The following PEX14 variants were observed in gnomAD, a reference collection of about 807,000 sequenced individuals.
PEX14 encodes the protein peroxisomal membrane protein PEX14.
PEX14 carries 15 observed loss-of-function variants against 49.5 expected under a neutral mutation model. The observed-to-expected ratio is 0.30, with a 90% CI of 0.20 to 0.47. The LOEUF (loss-of-function observed/expected upper bound fraction) is 0.47, where lower values mean the gene tolerates loss of function less well. Ranked by LOEUF, PEX14 falls within the 20% of genes least tolerant of loss-of-function variation. The pLI is 1.00. For missense variants in PEX14, 398 were observed against 494.8 expected, an observed-to-expected ratio of 0.80 and a Z score of 1.86; for synonymous variants, 210 against 212.7, an observed-to-expected ratio of 0.99 and a Z score of 0.11.
chr1:10,523,629 A>T (rs1002943621), intron 2 of PEX14, among the ~76,000 whole-genome samples: 3 of 33,834 alleles, frequency 8.9e-5, no homozygotes, highest in Admixed American at 2.5e-4. Flanking sequence ...TGTGTAAGGT[A>T]AAAAAAAAAA....
intron 1 of PEX14, among the ~76,000 whole-genome samples, chr1:10,484,059 G>A (rs1007498040): frequency 3.0e-5 from 4 of 135,310 alleles, no homozygotes; most frequent in Non-Finnish European, 4.6e-5. Context: ...ATGGTATTTC[G>A]CTCTTGTTGC....
chr1:10,536,829 A>C lies in PEX14; in HGVS notation c.169+532A>C, dbSNP rs565765502. Among the ~76,000 whole-genome samples, 17 of 152,330 alleles carry C rather than the reference A, an allele frequency of 1.1e-4. No individual in the cohort carries two copies. The South Asian group carries it at 3.5e-3, about 32-fold the overall frequency. On this transcript the variant is annotated intron_variant, in intron 3 of 8. Coordinates refer to ENST00000356607, the MANE Select transcript of PEX14 (RefSeq NM_004565.3). ...AACAGGGATAAAGTGGACCCTGACA[A>C]ATTCAATATTGTCTGAAGAGACAAT... is the stretch of plus-strand genomic sequence containing the variant.
intron 2 of PEX14, among the ~76,000 whole-genome samples, chr1:10,517,456 C>G (rs186969061): frequency 3.9e-5 from 6 of 151,916 alleles, no homozygotes; most frequent in Non-Finnish European, 5.9e-5. Flanking sequence ...ATTAAAGGAG[C>G]CTGGCTTGAG....
chr1:10,534,903 TC>T (rs1289416921), intron 2 of PEX14, among the ~76,000 whole-genome samples: 2 of 152,282 alleles, frequency 1.3e-5, no homozygotes, highest in East Asian at 3.9e-4. Flanking sequence ...TATCTTTTGT[TC>T]CCCAAAAGTC....
intron 3 of PEX14, among the ~76,000 whole-genome samples, chr1:10,578,496 C>G (rs1161960751): frequency 6.6e-6 from 1 of 151,990 alleles, no homozygotes. Context: ...AAAACAGAAT[C>G]CAGAGCCTCT....
At chr1:10,503,477 T>C (rs1217818518) in intron 2 of PEX14, among the ~76,000 whole-genome samples, 1 of 151,506 alleles carries the variant, frequency 6.6e-6, no homozygotes, top group Admixed American at 6.6e-5. Flanking sequence ...GCTGAAGACG[T>C]GATCTACAAA....
intron 3 of PEX14, chr1:10,536,522 A>G (rs540525429): frequency 1.8e-6 from 1 of 549,884 alleles, no homozygotes; most frequent in East Asian, 3.2e-5. Context: ...CGGATGACTT[A>G]GTCCAGTCCA....
intron 2 of PEX14, among the ~76,000 whole-genome samples, chr1:10,518,528 T>C (rs1468081684): frequency 6.6e-6 from 1 of 152,194 alleles, no homozygotes; most frequent in East Asian, 1.9e-4. Context: ...ATTCTTGTAG[T>C]GTATATATTG....
chr1:10,624,365 C>A lies in PEX14; in HGVS notation c.513C>A (p.Ala171=), dbSNP rs35046754. Residue 171 remains alanine (A), a synonymous_variant, in exon 7 of 9, where the codon GCC becomes GCA. Coordinates refer to ENST00000356607, the MANE Select transcript of PEX14 (RefSeq NM_004565.3). ...QTVTQLQTTL[A]SVQELLIQQQ... ...TGACTCAGTTACAGACGACCCTCGC[C>A]TCCGTCCAGGAGCTGCTGATTCAGC... 2.3e-3 allele frequency: 3,749 copies of A among 1,613,334 alleles called. 89 individuals carry two copies. In the African/African-American group the frequency reaches 0.044, roughly 19 times the overall value.
At chr1:10,510,132 C>T (rs1641857364) in intron 2 of PEX14, among the ~76,000 whole-genome samples, 1 of 152,146 alleles carries the variant, frequency 6.6e-6, no homozygotes, top group African/African-American at 2.4e-5. Context: ...TCGATCCTTT[C>T]CTAATTTTGG....
At chr1:10,490,393 A>T (rs951746593) in intron 1 of PEX14, among the ~76,000 whole-genome samples, 1 of 152,130 alleles carries the variant, frequency 6.6e-6, no homozygotes, top group Non-Finnish European at 1.5e-5. Flanking sequence ...AGTTGCTCAA[A>T]TCTGTGAGCT....
chr1:10,571,057 A>G (rs1300365783), intron 3 of PEX14, among the ~76,000 whole-genome samples: 2 of 105,150 alleles, frequency 1.9e-5, no homozygotes, highest in African/African-American at 3.9e-5. Context: ...GGATTTTGCC[A>G]TGTTGCCCAG....
intron 2 of PEX14, among the ~76,000 whole-genome samples, chr1:10,499,489 C>G (rs1641629725): frequency 6.7e-6 from 1 of 150,164 alleles, no homozygotes; most frequent in Non-Finnish European, 1.5e-5. Context: ...TGCTCTGTCA[C>G]CCAGGCTGGA....
intron 2 of PEX14, among the ~76,000 whole-genome samples, chr1:10,501,926 G>A (rs1199671857): frequency 6.6e-6 from 1 of 150,932 alleles, no homozygotes; most frequent in Non-Finnish European, 1.5e-5. Flanking sequence ...CCACCCCCCT[G>A]CCCAAACAGT....
chr1:10,533,298 A>G (rs1450949000), intron 2 of PEX14, among the ~76,000 whole-genome samples: 3 of 152,074 alleles, frequency 2.0e-5, no homozygotes, highest in African/African-American at 4.8e-5. Flanking sequence ...ATCAAGAGGA[A>G]CATAAACAAG....
chr1:10,562,210 CTT>C (rs1639670804), intron 3 of PEX14, among the ~76,000 whole-genome samples: 1 of 152,154 alleles, frequency 6.6e-6, no homozygotes, highest in South Asian at 2.1e-4. Context: ...AGCTCTTTTT[CTT>C]TTTCTCTCTT....
Position 10,630,026 on chromosome 1 carries a change from A to C in PEX14, c.*39A>C. ...GCCTCCAGCCCTGAGGATGGCATCT[A>C]GTGTGCCCGTGCGTGGCCATACCCT... On this transcript the variant is annotated 3_prime_UTR_variant, in exon 9 of 9. Transcript: ENST00000356607. The surrounding 1 kb of genome is among the most constrained non-coding windows in gnomAD (Gnocchi z 4.1). 6.2e-7 allele frequency: 1 copy of C among 1,601,128 alleles called. No individual in the cohort carries two copies.
chr1:10,474,999 C>G lies in PEX14; in HGVS notation c.33C>G (p.Ser11Arg). The G allele has an allele frequency of 6.8e-6, 11 of 1,609,906 alleles. No homozygotes were observed. Among genetic ancestry groups the G allele is most frequent in the Non-Finnish European group, 9.3e-6 (11 of 1,178,312 alleles). MASSEQAEQP[S>R]QPSSTPGSEN... ...CCTCGGAGCAGGCAGAGCAGCCGAG[C>G]CAGGTAAGGGGAGTGGGACTGCCCC... The change falls in exon 1 of 9, where the codon AGC (serine) becomes AGG (arginine). Residue 11 changes from serine (S) to arginine (R), a missense_variant. Around this residue, in one of 3 missense-constraint regions of PEX14, gnomAD observed 56 missense variants for 40.8 expected, o/e 1.37. Transcript: ENST00000356607.
chr1:10,505,457 A>C (rs906063255), intron 2 of PEX14, among the ~76,000 whole-genome samples: 5 of 151,978 alleles, frequency 3.3e-5, no homozygotes, highest in African/African-American at 1.2e-4. Context: ...AACAAAACAC[A>C]ATCTTTTTTC....
Sources: gnomAD v4.1 joint callset for allele counts (sites outside exome capture counted in the v4.1 genomes callset) on GRCh38, gnomAD v4.1.1 for gene constraint, gnomAD v4.1.1 regional missense constraint, Gnocchi (gnomAD v3.1) non-coding constraint, MANE v1.5 for transcripts, NCBI Gene and HGNC (gene_info 2026-07-23, HGNC 2026-07-21) for gene names.